The following IQCK variants were observed in gnomAD, a reference collection of about 807,000 sequenced individuals.
IQCK encodes the protein IQ domain-containing protein K.
In IQCK, 29 loss-of-function variants were observed where a neutral mutation model predicts 28.1. The observed-to-expected ratio is 1.03, with a 90% confidence interval of 0.77 to 1.41. The LOEUF is 1.41. Ranked by LOEUF, IQCK falls within the 40% of genes most tolerant of loss-of-function variation. The pLI is 0.00. For missense variants in IQCK, 359 were observed against 314.7 expected, an observed-to-expected ratio of 1.14 and a Z score of -1.07; for synonymous variants, 113 against 115.1, an observed-to-expected ratio of 0.98 and a Z score of 0.12.
chr16:19,728,499 C>T (rs531961629), intron 1 of IQCK, among the ~76,000 whole-genome samples: 7 of 152,300 alleles, frequency 4.6e-5, no homozygotes, highest in Non-Finnish European at 1.0e-4. Flanking sequence ...ATCCACCCAC[C>T]TTGGCCTCGT....
At chr16:19,847,691 A>C (rs2056429635) in intron 9 of IQCK, among the ~76,000 whole-genome samples, 1 of 152,190 alleles carries the variant, frequency 6.6e-6, no homozygotes, top group African/African-American at 2.4e-5. Context: ...TTGCTGTTGT[A>C]GCATTCCTTT....
chr16:19,737,187 G>C (rs1467837886), intron 4 of IQCK, among the ~76,000 whole-genome samples: 1 of 151,814 alleles, frequency 6.6e-6, no homozygotes, highest in South Asian at 2.1e-4. Context: ...TACTAAAAAA[G>C]TCGGCAGTAA....
chr16:19,846,816 G>T (rs2056419693), intron 9 of IQCK, among the ~76,000 whole-genome samples: 1 of 151,442 alleles, frequency 6.6e-6, no homozygotes, highest in Admixed American at 6.6e-5. Context: ...GAGGGGCATA[G>T]ATTTTTTTTT....
intron 2 of IQCK, among the ~76,000 whole-genome samples, chr16:19,731,341 G>A (rs1001593720): frequency 6.6e-6 from 1 of 152,194 alleles, no homozygotes. Context: ...AGGGACTTGA[G>A]CACGGTAACA....
chr16:19,836,279 G>A (rs964353547), intron 9 of IQCK, among the ~76,000 whole-genome samples: 8 of 152,090 alleles, frequency 5.3e-5, no homozygotes, highest in African/African-American at 1.9e-4. Context: ...GAGACATCTA[G>A]TGACTTCATG....
chr16:19,773,501 A>G (rs1392372493), intron 6 of IQCK, among the ~76,000 whole-genome samples: 1 of 152,236 alleles, frequency 6.6e-6, no homozygotes. Flanking sequence ...CTGGGGAACA[A>G]GGACATGGCT....
At position 19,774,320 on chromosome 16, in the gene IQCK, C is replaced by A. The variant is rs80081029; in HGVS notation, c.605+10208C>A. On this transcript the variant is annotated intron_variant, in intron 6 of 7. Transcript: ENST00000564186. ...CCCGTAAGAGGAATCCTAGTGCCAA[C>A]TATTATTATATTTCATTATTGGTAC... Among the ~76,000 whole-genome samples the A allele has an allele frequency of 3.6e-3, 530 of 148,208 alleles. 5 individuals are homozygous for A. The highest frequency in any genetic ancestry group is 0.013 in the African/African-American group (509 of 40,394).
intron 7 of IQCK, among the ~76,000 whole-genome samples, chr16:19,792,538 G>A (rs1252601082): frequency 1.7e-5 from 2 of 114,672 alleles, no homozygotes; most frequent in Non-Finnish European, 3.1e-5. Context: ...GAAAGAACTA[G>A]GAAGACTCTA....
chr16:19,850,811 T>TA (rs1469119666), intron 9 of IQCK, among the ~76,000 whole-genome samples: 1 of 152,080 alleles, frequency 6.6e-6, no homozygotes, highest in East Asian at 1.9e-4. Flanking sequence ...GCCCAGGAGT[T>TA]AGAGACTAGG....
chr16:19,810,049 T>G (rs2055883125), intron 7 of IQCK, among the ~76,000 whole-genome samples: 1 of 151,572 alleles, frequency 6.6e-6, no homozygotes, highest in Non-Finnish European at 1.5e-5. Flanking sequence ...CTTCAGTGGG[T>G]TTTTTTTAGA....
At chr16:19,813,506 G>A (rs1466058897) in intron 7 of IQCK, among the ~76,000 whole-genome samples, 1 of 152,204 alleles carries the variant, frequency 6.6e-6, no homozygotes, top group Non-Finnish European at 1.5e-5. Context: ...AGACAGGGAA[G>A]TGTAATGTCT....
intron 9 of IQCK, among the ~76,000 whole-genome samples, chr16:19,850,159 G>A (rs951603993): frequency 3.3e-5 from 5 of 152,206 alleles, no homozygotes; most frequent in Admixed American, 1.3e-4. Context: ...TAGAGGATGC[G>A]GAAGTGAACA....
intron 7 of IQCK, among the ~76,000 whole-genome samples, chr16:19,810,251 C>CT (rs1264861597): frequency 6.6e-6 from 1 of 152,130 alleles, no homozygotes; most frequent in Non-Finnish European, 1.5e-5. Flanking sequence ...AATCCCAGCA[C>CT]TTTGGGAGGC....
At chr16:19,792,712 C>G (rs2055633435) in intron 7 of IQCK, among the ~76,000 whole-genome samples, 1 of 109,832 alleles carries the variant, frequency 9.1e-6, no homozygotes, top group African/African-American at 8.9e-5. Context: ...GGTGGGATTA[C>G]AGGCGCCTGC....
intron 7 of IQCK, among the ~76,000 whole-genome samples, chr16:19,804,596 C>G (rs750168372): frequency 6.6e-6 from 1 of 151,994 alleles, no homozygotes; most frequent in African/African-American, 2.4e-5. Flanking sequence ...AGCTACTACA[C>G]CAGCTGATTT....
intron 7 of IQCK, among the ~76,000 whole-genome samples, chr16:19,821,777 A>G (rs1182765736): frequency 6.6e-6 from 1 of 152,188 alleles, no homozygotes; most frequent in Admixed American, 6.5e-5. Context: ...GGAACAACTT[A>G]AATGTTCCAT....
intron 6 of IQCK, among the ~76,000 whole-genome samples, chr16:19,777,515 A>G (rs968431105): frequency 5.9e-5 from 9 of 152,214 alleles, no homozygotes; most frequent in Non-Finnish European, 1.2e-4. Context: ...CTTCTGTGTC[A>G]GTAATTTCGG....
At chr16:19,805,632 C>G (rs2055823568) in intron 7 of IQCK, among the ~76,000 whole-genome samples, 1 of 151,910 alleles carries the variant, frequency 6.6e-6, no homozygotes, top group Non-Finnish European at 1.5e-5. Context: ...TAACAAATCA[C>G]CCCCAAACTC....
In IQCK at chr16:19,718,292, G is replaced by A. The variant is rs1977314385; in HGVS notation, c.-15G>A. The stretch of plus-strand genomic sequence containing the variant: ...CGGCCTTCCGGCGAACGCGGTTACC[G>A]TGGAAACCGCGGCCATGGCGGCACC... On this transcript the variant is annotated 5_prime_UTR_variant, in exon 1 of 8. It adds an upstream start codon to the 5' untranslated region. Coordinates refer to ENST00000564186, the Ensembl canonical transcript of IQCK. 4.4e-6 allele frequency: 7 copies of A among 1,596,668 alleles called. No homozygotes were observed. The highest frequency in any genetic ancestry group is 4.3e-6 in the Non-Finnish European group (5 of 1,173,226).
Sources: allele counts gnomAD v4.1 joint callset (sites outside exome capture counted in the v4.1 genomes callset), GRCh38; gene constraint gnomAD v4.1.1; transcripts MANE v1.5; gene names NCBI Gene and HGNC (gene_info 2026-07-23, HGNC 2026-07-21).